Variants in KDM7A observed in about 807,000 individuals in gnomAD.
KDM7A encodes the protein lysine demethylase 7A.
In KDM7A, 28 loss-of-function variants were observed where a neutral mutation model predicts 114.8. That is an observed-to-expected ratio of 0.24 (90% confidence interval 0.18 to 0.33). KDM7A has a LOEUF of 0.33. Among genes scored for constraint, KDM7A ranks in the 10% least tolerant of loss-of-function variants. KDM7A has a pLI of 1.00. For synonymous variants in KDM7A, 423 were observed against 397.8 expected, an observed-to-expected ratio of 1.06 and a Z score of -0.75; for missense variants, 942 against 1,142.5, an observed-to-expected ratio of 0.82 and a Z score of 2.53.
intron 3 of KDM7A, among the ~76,000 whole-genome samples, chr7:140,131,342 C>G (rs1818783445): frequency 6.6e-6 from 1 of 152,190 alleles, no homozygotes; most frequent in African/African-American, 2.4e-5. Context: ...AATTGCTCTA[C>G]AGCTGCTACA....
rs1818914365 is a variant in KDM7A at position 140,139,115 on chromosome 7, A to G, written c.270T>C (p.Gly90=). The part of the protein sequence containing the change: ...YHCPNCAVLH[G]SSLMKKRRNW... ...GCATCTAGTACTTACTCAAGGAGGAACCATGTAAAACTGCACAGTTGGGAC... is the reference window on the plus strand; with the variant it reads ...GCATCTAGTACTTACTCAAGGAGGAGCCATGTAAAACTGCACAGTTGGGAC... Residue 90 remains glycine, a synonymous_variant, in exon 2 of 20, where the codon GGT becomes GGC. Transcript: ENST00000397560. The G allele has an allele frequency of 6.2e-7, 1 of 1,608,710 alleles. No individual in the cohort carries two copies. The highest frequency in any genetic ancestry group is 8.5e-7 in the Non-Finnish European group (1 of 1,175,478).
At chr7:140,115,984 C>T (rs1818523600) in intron 9 of KDM7A, among the ~76,000 whole-genome samples, 1 of 151,694 alleles carries the variant, frequency 6.6e-6, no homozygotes, top group African/African-American at 2.4e-5. Flanking sequence ...AAGAATACTA[C>T]TTTATATCCA....
rs918353059 is a variant in KDM7A at position 140,176,240 on chromosome 7, G to A, written c.194+504C>T. Among the ~76,000 whole-genome samples the A allele has an allele frequency of 3.3e-5, 5 of 151,476 alleles. No individual in the cohort carries two copies. The highest frequency in any genetic ancestry group is 1.2e-4 in the African/African-American group (5 of 41,360). The stretch of plus-strand genomic sequence containing the variant: ...GCGCGACAGGGACCCGCGGCGCGGA[G>A]GAGACGCGGGGCCGGGGCGACCCCA... On this transcript the variant is annotated intron_variant, in intron 1 of 19. Transcript: ENST00000397560. This position sits in a 1 kb window ranked among gnomAD's most constrained non-coding sequence, Gnocchi z 4.4.
chr7:140,095,572 ATTGTT>A (rs1818093990), intron 17 of KDM7A: 1 of 234,742 alleles, frequency 4.3e-6, no homozygotes, highest in Non-Finnish European at 8.8e-6. Context: ...ACCTACAAGT[ATTGTT>A]TTAAGAATTA....
chr7:140,116,586 A>T (rs1818533215), intron 9 of KDM7A, among the ~76,000 whole-genome samples: 1 of 152,086 alleles, frequency 6.6e-6, no homozygotes, highest in African/African-American at 2.4e-5. Flanking sequence ...GTTTTTGCTT[A>T]ATTTGGGTGG....
intron 9 of KDM7A, among the ~76,000 whole-genome samples, chr7:140,118,895 A>G (rs1274677140): frequency 6.6e-6 from 1 of 152,196 alleles, no homozygotes; most frequent in Non-Finnish European, 1.5e-5. Context: ...CAGGTCTTTC[A>G]TAACAAATTT....
intron 1 of KDM7A, among the ~76,000 whole-genome samples, chr7:140,166,304 C>T (rs375131673): frequency 1.3e-5 from 2 of 150,550 alleles, no homozygotes; most frequent in Admixed American, 6.6e-5. Flanking sequence ...GATAAAACTA[C>T]GTACATAAAA....
intron 1 of KDM7A, among the ~76,000 whole-genome samples, chr7:140,163,622 TG>T (rs1238104618): frequency 3.3e-5 from 5 of 152,246 alleles, no homozygotes; most frequent in South Asian, 2.1e-4. Flanking sequence ...TTTTTCTGTT[TG>T]TTTTTTTAAT....
rs868833160 is a variant in KDM7A at position 140,142,622 on chromosome 7, G to A, written c.195-3432C>T. ...AAAAAGCCTGATGATACCATGTGTT[G>A]AAGATGATGTAGAGCAATAGGAACT... On this transcript the variant is annotated intron_variant, in intron 1 of 19. Coordinates refer to ENST00000397560, the MANE Select transcript of KDM7A (RefSeq NM_030647.2). Among the ~76,000 whole-genome samples the A allele has an allele frequency of 1.5e-4, 23 of 152,282 alleles. No individual in the cohort carries two copies. In the Middle Eastern group the frequency reaches 0.02, roughly 135 times the overall value.
At chr7:140,111,557 G>T (rs1462077517) in intron 10 of KDM7A, among the ~76,000 whole-genome samples, 1 of 152,180 alleles carries the variant, frequency 6.6e-6, no homozygotes, top group Non-Finnish European at 1.5e-5. Context: ...GGAGAACACA[G>T]ACACTAACGT....
At chr7:140,141,785 T>C (rs935004040) in intron 1 of KDM7A, among the ~76,000 whole-genome samples, 1 of 151,264 alleles carries the variant, frequency 6.6e-6, no homozygotes, top group African/African-American at 2.4e-5. Flanking sequence ...TCCCAGCTAC[T>C]TGGGAGGCTG....
rs745390201 is a variant in KDM7A at position 140,127,602 on chromosome 7, G to C, written c.560-19C>G. 42 of 1,609,022 alleles carry C rather than the reference G, an allele frequency of 2.6e-5. No individual in the cohort carries two copies. The highest frequency in any genetic ancestry group is 3.5e-5 in the Non-Finnish European group (41 of 1,176,598). ...TCACCACCTGCAGAGAAAAATTACA[G>C]TCTTATTATTGGACTTAAGAGTTAC... On this transcript the variant is annotated intron_variant, in intron 4 of 19. Transcript: ENST00000397560.
chr7:140,176,815 C>T lies in KDM7A; in HGVS notation c.123G>A (p.Val41=), dbSNP rs1794716735. The change falls in exon 1 of 20, where the codon GTG becomes GTA. Residue 41 remains valine (V), a synonymous_variant. Coordinates refer to ENST00000397560, the MANE Select transcript of KDM7A (RefSeq NM_030647.2). This position sits in a 1 kb window ranked among gnomAD's most constrained non-coding sequence, Gnocchi z 4.4. ...GGTTCACGTCGTACGGCTGCCGGCACACACAGTACACGGGCGGGGGCGGCG... is the reference window on the plus strand; with the variant it reads ...GGTTCACGTCGTACGGCTGCCGGCATACACAGTACACGGGCGGGGGCGGCG... ...APPPPPPVYC[V]CRQPYDVNRF... 1 of 1,407,430 alleles carries T rather than the reference C, an allele frequency of 7.1e-7. No individual in the cohort carries two copies. The highest frequency in any genetic ancestry group is 9.4e-7 in the Non-Finnish European group (1 of 1,058,492). The allele number at this position is 1,407,430 out of a possible 1,614,324, so 87.2% of individuals were successfully genotyped here. A position where few individuals can be genotyped will look rare whatever the true frequency, so the allele number is the denominator to read the frequency against.
rs1562944621 is a variant in KDM7A at position 140,096,701 on chromosome 7, C to G, written c.2228G>C (p.Gly743Ala). Residue 743 changes from glycine (G) to alanine (A), a missense_variant, in exon 17 of 20, where the codon GGG becomes GCG. By Grantham distance (60) the Gly-to-Ala change is moderately conservative. Around this residue, in one of 4 missense-constraint regions of KDM7A, gnomAD observed 512 missense variants for 576.6 expected, o/e 0.89. Transcript: ENST00000397560. ...TTGTAAACACGTGGAATAGTGCAAC[C>G]CTGCCATAGACAGCATGCCCTGAAT... ...EAIQGMLSMA[G>A]LHYSTCLQRQ... 1 of 1,614,022 alleles carries G rather than the reference C, an allele frequency of 6.2e-7. No homozygotes were observed. Among genetic ancestry groups the G allele is most frequent in the Non-Finnish European group, 8.5e-7 (1 of 1,180,032 alleles).
chr7:140,085,245 C>T lies in KDM7A; in HGVS notation c.*5849G>A, dbSNP rs532313760. ...CCCCCAACAAGAAGAACAGTCCCCT[C>T]GGACCGTGGGCATAAAAACCAGTAA... is the stretch of plus-strand genomic sequence containing the variant. On this transcript the variant is annotated 3_prime_UTR_variant, in exon 20 of 20. Coordinates refer to ENST00000397560, the MANE Select transcript of KDM7A (RefSeq NM_030647.2). 1.3e-4 allele frequency: 20 copies of T among 152,284 alleles called. 1 individual carries two copies. The East Asian group carries it at 3.7e-3, about 28-fold the overall frequency. 9.4% of individuals were successfully genotyped at this position (152,284 alleles called of 1,614,324 possible).
chr7:140,115,491 TACCCCCA>T lies in KDM7A; in HGVS notation c.1247-1916_1247-1910del, dbSNP rs1164589812. On this transcript the variant is annotated intron_variant, in intron 9 of 19. Transcript: ENST00000397560. ...TTGGGATGCTGTTAATCTATGACCT[TACCCCCA>T]ACCCCGTGCTCTCTGAAACAGGTGC... Among the ~76,000 whole-genome samples, 11 of 152,332 alleles carry T rather than the reference TACCCCCA, an allele frequency of 7.2e-5. No individual in the cohort carries two copies. The East Asian group carries it at 2.1e-3, about 29-fold the overall frequency.
At chr7:140,124,100 T>C (rs1472862424) in intron 7 of KDM7A, among the ~76,000 whole-genome samples, 1 of 149,712 alleles carries the variant, frequency 6.7e-6, no homozygotes, top group East Asian at 1.9e-4. Context: ...GAAAATAATA[T>C]GCTAAGTGAA....
At chr7:140,171,161 A>C (rs1176960368) in intron 1 of KDM7A, among the ~76,000 whole-genome samples, 2 of 152,022 alleles carry the variant, frequency 1.3e-5, no homozygotes, top group Non-Finnish European at 2.9e-5. Context: ...ACCACCACCC[A>C]AGATCAAGAT....
At chr7:140,099,437 T>G (rs1424200602) in intron 13 of KDM7A, among the ~76,000 whole-genome samples, 2 of 152,126 alleles carry the variant, frequency 1.3e-5, no homozygotes, top group African/African-American at 4.8e-5. Context: ...TCTCAAGAGA[T>G]CCTCCCACCT....
Sources: allele counts gnomAD v4.1 joint callset (sites outside exome capture counted in the v4.1 genomes callset), GRCh38; gene constraint gnomAD v4.1.1; regional missense constraint gnomAD v4.1.1; non-coding constraint Gnocchi (gnomAD v3.1); transcripts MANE v1.5; gene names NCBI Gene and HGNC (gene_info 2026-07-23, HGNC 2026-07-21).